SLC2A13: variants seen among roughly 807,000 people sequenced by gnomAD.
The protein encoded by SLC2A13 is proton myo-inositol cotransporter.
Under a neutral mutation model 64.4 loss-of-function variants are expected in SLC2A13, and 32 were observed. That is an observed-to-expected ratio of 0.50 (90% CI 0.37 to 0.67). SLC2A13 has a LOEUF of 0.67. SLC2A13 is among the 30% of genes least tolerant of loss of function. The pLI, the probability that SLC2A13 is intolerant of heterozygous loss-of-function variation, is 0.00. For missense variants in SLC2A13, 743 were observed against 829.2 expected, an observed-to-expected ratio of 0.90 and a Z score of 1.28; for synonymous variants, 338 against 327.1, an observed-to-expected ratio of 1.03 and a Z score of -0.36.
chr12:39,951,220 CA>C (rs766442543), intron 4 of SLC2A13, 36 bp downstream of exon 4: 2 of 1,548,068 alleles, frequency 1.3e-6, no homozygotes, highest in Admixed American at 3.4e-5. Context: ...AATCCTTTCA[CA>C]ATCTTTTCAG....
chr12:39,767,812 TTTTATAATGGGC>T (rs1470811045), intron 7 of SLC2A13, among the ~76,000 whole-genome samples: 1 of 151,956 alleles, frequency 6.6e-6, no homozygotes, highest in Non-Finnish European at 1.5e-5. Context: ...GATCTGAAGG[TTTTATAATGGGC>T]TTTTCCCCTT....
intron 4 of SLC2A13, among the ~76,000 whole-genome samples, chr12:39,931,753 A>C (rs11174351): frequency 0.089 from 13,521 of 152,148 alleles, 753 homozygotes; most frequent in East Asian, 0.19. Context: ...TTAGGAATGG[A>C]CTCTGCAAAG....
At chr12:39,992,572 T>C (rs1415186604) in intron 3 of SLC2A13, among the ~76,000 whole-genome samples, 1 of 152,124 alleles carries the variant, frequency 6.6e-6, no homozygotes, top group African/African-American at 2.4e-5. Context: ...TTCATCCCCT[T>C]CCTAGGGTTA....
chr12:39,783,800 T>A (rs572694938), intron 7 of SLC2A13, among the ~76,000 whole-genome samples: 1 of 152,206 alleles, frequency 6.6e-6, no homozygotes, highest in Non-Finnish European at 1.5e-5. Flanking sequence ...TGTTTGCAGA[T>A]GACATGACTG....
chr12:39,955,141 A>T (rs571662852), intron 3 of SLC2A13, among the ~76,000 whole-genome samples: 1 of 152,332 alleles, frequency 6.6e-6, no homozygotes, highest in African/African-American at 2.4e-5. Context: ...GTCTCAACTC[A>T]TTTAAAAGGA....
chr12:39,914,642 T>C lies in SLC2A13; in HGVS notation c.1034+36615A>G, dbSNP rs571074524. Among the ~76,000 whole-genome samples, 239 of 151,990 alleles carry C rather than the reference T, an allele frequency of 1.6e-3. 5 individuals carry two copies. The highest frequency in any genetic ancestry group is 5.4e-3 in the African/African-American group (223 of 41,466). On this transcript the variant is annotated intron_variant, in intron 4 of 9. Transcript: ENST00000280871. Reference sequence around the variant, plus strand: ...TGCCACTAAAAGTAATGGCAAAAACTGCAATTACTTTTGCACCAACCTAAT... The same window carrying C: ...TGCCACTAAAAGTAATGGCAAAAACCGCAATTACTTTTGCACCAACCTAAT...
intron 4 of SLC2A13, among the ~76,000 whole-genome samples, chr12:39,892,328 T>TTG (rs1027194550): frequency 7.9e-5 from 12 of 151,928 alleles, no homozygotes; most frequent in Non-Finnish European, 1.3e-4. Context: ...CTGAGCTGAC[T>TTG]TGTGTGTGTG....
chr12:39,897,779 T>C (rs1944966769), intron 4 of SLC2A13, among the ~76,000 whole-genome samples: 1 of 152,188 alleles, frequency 6.6e-6, no homozygotes, highest in African/African-American at 2.4e-5. Flanking sequence ...TTTTCCTTCA[T>C]TTACTTTTAA....
chr12:39,776,043 A>C (rs1223883175), intron 7 of SLC2A13, among the ~76,000 whole-genome samples: 2 of 152,224 alleles, frequency 1.3e-5, no homozygotes, highest in Non-Finnish European at 2.9e-5. Context: ...TAATTTGAGA[A>C]GATGGGAGAA....
At chr12:40,030,036 G>A (rs1040191245) in intron 2 of SLC2A13, among the ~76,000 whole-genome samples, 1 of 152,052 alleles carries the variant, frequency 6.6e-6, no homozygotes, top group Admixed American at 6.5e-5. Context: ...CACACAGTAG[G>A]CATTGAGTAC....
chr12:39,935,955 A>T (rs538363265), intron 4 of SLC2A13, among the ~76,000 whole-genome samples: 54 of 149,334 alleles, frequency 3.6e-4, no homozygotes, highest in African/African-American at 1.3e-3. Flanking sequence ...TTGTAGCTTT[A>T]CACACCCTTC....
chr12:40,039,548 T>A (rs1948049456), intron 2 of SLC2A13, among the ~76,000 whole-genome samples: 1 of 152,242 alleles, frequency 6.6e-6, no homozygotes, highest in Non-Finnish European at 1.5e-5. Flanking sequence ...TGGCTTCTTA[T>A]GTGTTTCTTT....
chr12:39,785,709 C>T (rs545600421), intron 7 of SLC2A13, among the ~76,000 whole-genome samples: 4 of 152,258 alleles, frequency 2.6e-5, no homozygotes, highest in Admixed American at 2.6e-4. Flanking sequence ...GGAGGCTCTA[C>T]CATGCAAAGA....
In SLC2A13 at chr12:39,758,410, A is replaced by C. The variant is rs908007209; in HGVS notation, c.*1616T>G. 4.6e-5 allele frequency: 7 copies of C among 151,940 alleles called. No homozygotes were observed. Among genetic ancestry groups the C allele is most frequent in the African/African-American group, 1.4e-4 (6 of 41,414 alleles). 9.4% of individuals were successfully genotyped at this position (151,940 alleles called of 1,614,324 possible). On this transcript the variant is annotated 3_prime_UTR_variant, in exon 10 of 10. Transcript: ENST00000280871. ...GAAGAAATATTTTGAATATGGAGAT[A>C]GCCACCTTTTCTCTCCAAATACAGT...
At chr12:39,963,509 C>A (rs917936845) in intron 3 of SLC2A13, among the ~76,000 whole-genome samples, 3 of 152,122 alleles carry the variant, frequency 2.0e-5, no homozygotes, top group Admixed American at 2.0e-4. Flanking sequence ...AAGACCTAGA[C>A]AACAGGCTCC....
At chr12:39,770,877 ACATCCTAGGTT>A (rs1368230339) in intron 7 of SLC2A13, among the ~76,000 whole-genome samples, 1 of 152,126 alleles carries the variant, frequency 6.6e-6, no homozygotes, top group Non-Finnish European at 1.5e-5. Flanking sequence ...TTTGGTATTG[ACATCCTAGGTT>A]CAGATCTAGG....
chr12:39,978,134 G>A (rs1190128643), intron 3 of SLC2A13, among the ~76,000 whole-genome samples: 9 of 152,152 alleles, frequency 5.9e-5, no homozygotes, highest in Non-Finnish European at 1.2e-4. Context: ...TGAATGAAAC[G>A]TTTTATGGCT....
At chr12:40,054,650 A>T (rs2136244352) in intron 1 of SLC2A13, among the ~76,000 whole-genome samples, 1 of 152,346 alleles carries the variant, frequency 6.6e-6, no homozygotes, top group South Asian at 2.1e-4. Flanking sequence ...GTGCGACCGG[A>T]TTCACACACT....
chr12:39,839,283 T>C (rs1943115710), intron 6 of SLC2A13, among the ~76,000 whole-genome samples: 1 of 152,034 alleles, frequency 6.6e-6, no homozygotes, highest in South Asian at 2.1e-4. Context: ...CTGGAACACC[T>C]GCCTTCTTTC....
Sources: allele counts gnomAD v4.1 joint callset (sites outside exome capture counted in the v4.1 genomes callset), GRCh38; gene constraint gnomAD v4.1.1; transcripts MANE v1.5; gene names NCBI Gene and HGNC (gene_info 2026-07-23, HGNC 2026-07-21).